ANKRD44: variants seen among roughly 807,000 people sequenced by gnomAD.
ANKRD44 encodes ankyrin repeat domain 44.
A neutral mutation model predicts 116.0 loss-of-function variants in ANKRD44; 35 were observed. That is an observed-to-expected ratio of 0.30 (90% CI 0.23 to 0.40). The LOEUF (loss-of-function observed/expected upper bound fraction) is 0.40, where lower values mean the gene tolerates loss of function less well. Among genes scored for constraint, ANKRD44 ranks in the 10% least tolerant of loss-of-function variants. ANKRD44 has a pLI of 1.00. For synonymous variants in ANKRD44, 435 were observed against 461.8 expected (o/e 0.94, Z 0.74); for missense variants, 1,014 against 1,242.6 (o/e 0.82, Z 2.77).
chr2:197,287,737 G>A (rs773578616), intron 1 of ANKRD44, among the ~76,000 whole-genome samples: 1 of 151,960 alleles, frequency 6.6e-6, no homozygotes, highest in Non-Finnish European at 1.5e-5. Context: ...AAGTAGACAC[G>A]CGCTGGGTAC....
At chr2:197,085,032 A>C (rs1574425820) in intron 13 of ANKRD44, among the ~76,000 whole-genome samples, 1 of 152,210 alleles carries the variant, frequency 6.6e-6, no homozygotes, top group African/African-American at 2.4e-5. Flanking sequence ...AATATAAAGT[A>C]ATTTGCTGTA....
intron 20 of ANKRD44, among the ~76,000 whole-genome samples, chr2:197,006,119 A>G (rs565035826): frequency 6.6e-6 from 1 of 152,318 alleles, no homozygotes. Flanking sequence ...TTTTCGAAAT[A>G]TCTCTTGCCT....
chr2:197,279,668 T>C (rs1320484647), intron 1 of ANKRD44, among the ~76,000 whole-genome samples: 4 of 152,160 alleles, frequency 2.6e-5, no homozygotes, highest in African/African-American at 4.8e-5. Flanking sequence ...TCCTCCTTCT[T>C]CCTAGTTTGT....
At chr2:197,073,083 C>A (rs1261108307) in intron 16 of ANKRD44, among the ~76,000 whole-genome samples, 2 of 152,172 alleles carry the variant, frequency 1.3e-5, no homozygotes, top group Admixed American at 1.3e-4. Context: ...CTTCTCTGTT[C>A]CCCAACCTAG....
chr2:197,020,050 A>G (rs1008986997), intron 17 of ANKRD44, among the ~76,000 whole-genome samples: 8 of 152,098 alleles, frequency 5.3e-5, no homozygotes, highest in African/African-American at 1.9e-4. Flanking sequence ...TCCTGGACTC[A>G]AGTGATCCAC....
chr2:197,286,961 A>G (rs769516208), intron 1 of ANKRD44, among the ~76,000 whole-genome samples: 35 of 152,196 alleles, frequency 2.3e-4, no homozygotes, highest in Non-Finnish European at 4.6e-4. Context: ...ATGAGCAGGC[A>G]GAGCATGCAG....
intron 1 of ANKRD44, among the ~76,000 whole-genome samples, chr2:197,286,380 CT>C (rs66811937): frequency 5.5e-5 from 8 of 146,468 alleles, no homozygotes; most frequent in African/African-American, 1.8e-4. Flanking sequence ...TTTTTTTTTT[CT>C]TTTTTTTTTA....
At chr2:197,021,772 T>A (rs2076502709) in intron 17 of ANKRD44, among the ~76,000 whole-genome samples, 1 of 152,220 alleles carries the variant, frequency 6.6e-6, no homozygotes, top group Non-Finnish European at 1.5e-5. Flanking sequence ...TAAAACACTA[T>A]GTCTAGCAAC....
At chr2:197,089,201 T>C (rs1206308504) in intron 11 of ANKRD44, among the ~76,000 whole-genome samples, 1 of 152,198 alleles carries the variant, frequency 6.6e-6, no homozygotes, top group Non-Finnish European at 1.5e-5. Context: ...TTGGGAAACA[T>C]GCTTGCATGC....
chr2:196,990,983 C>G (rs569917673), intron 27 of ANKRD44: 32 of 1,213,650 alleles, frequency 2.6e-5, no homozygotes, highest in Non-Finnish European at 3.3e-5. Context: ...AGAGGAGGCA[C>G]GAGCATTCCA....
rs578121691 is a variant in ANKRD44, at chr2:197,201,927, C to T, written c.28-14821G>A. 1.3e-5 allele frequency among the ~76,000 whole-genome samples: 2 copies of T among 152,330 alleles called. No homozygotes were observed. Among genetic ancestry groups the T allele is most frequent in the South Asian group, 4.1e-4 (2 of 4,824 alleles). On this transcript the variant is annotated intron_variant, in intron 1 of 27. Transcript: ENST00000282272. The surrounding 1 kb of genome is among the most constrained non-coding windows in gnomAD (Gnocchi z 4.0). ...TCCCACTTGTAAGAACATTCATAGC[C>T]ACTGTTACCTCATCACCATGTAACA...
intron 1 of ANKRD44, among the ~76,000 whole-genome samples, chr2:197,253,371 A>G (rs1390809571): frequency 1.3e-5 from 2 of 152,200 alleles, no homozygotes; most frequent in African/African-American, 4.8e-5. Context: ...ATCAATAAAC[A>G]TAGTGGATAG....
At position 197,008,970 on chromosome 2, in the gene ANKRD44, C is replaced by T. The variant is rs763841721; in HGVS notation, c.1986G>A (p.Ala662=). The change falls in exon 19 of 28, where the codon GCG becomes GCA. Residue 662 remains alanine (A), a synonymous_variant. Transcript: ENST00000282272. ...LLLEIADNPE[A]VDVKDAKGQT... Reference sequence around the variant, plus strand: ...GTCCTTTGGCATCTTTCACATCGACCGCCTCCGGGTTGTCTGCAATTTCTA... The same window carrying T: ...GTCCTTTGGCATCTTTCACATCGACTGCCTCCGGGTTGTCTGCAATTTCTA... The T allele has an allele frequency of 1.1e-5, 17 of 1,614,000 alleles. No homozygotes were observed. The highest frequency in any genetic ancestry group is 7.7e-5 in the South Asian group (7 of 91,084).
chr2:197,156,094 C>G (rs1033111928), intron 2 of ANKRD44, among the ~76,000 whole-genome samples: 1 of 152,186 alleles, frequency 6.6e-6, no homozygotes, highest in African/African-American at 2.4e-5. Context: ...CACCTGTAAT[C>G]CCATCACTTT....
intron 1 of ANKRD44, among the ~76,000 whole-genome samples, chr2:197,206,671 C>T (rs1050052407): frequency 5.3e-5 from 8 of 152,236 alleles, no homozygotes; most frequent in Non-Finnish European, 8.8e-5. Flanking sequence ...GCCGACATGG[C>T]GCCACTACAC....
At chr2:197,225,002 G>C (rs928868353) in intron 1 of ANKRD44, among the ~76,000 whole-genome samples, 8 of 152,146 alleles carry the variant, frequency 5.3e-5, no homozygotes, top group African/African-American at 1.9e-4. Context: ...AGATTCTTCT[G>C]ACACAAAAGA....
chr2:197,147,428 TA>T (rs34720427), intron 2 of ANKRD44, among the ~76,000 whole-genome samples: 100,297 of 142,926 alleles, frequency 0.7, 38,316 homozygotes, highest in East Asian at 0.93. Context: ...TCAGGATGGT[TA>T]AAAAAAAAAA....
chr2:196,990,674 C>A, intron 27 of ANKRD44: 1 of 1,232,174 alleles, frequency 8.1e-7, no homozygotes, highest in East Asian at 3.2e-5. Flanking sequence ...CTTCTACAGT[C>A]CAAAGTCAAA....
intron 16 of ANKRD44, among the ~76,000 whole-genome samples, chr2:197,069,391 A>G (rs1464248932): frequency 1.3e-5 from 2 of 152,218 alleles, no homozygotes; most frequent in African/African-American, 4.8e-5. Flanking sequence ...TGGCACATGT[A>G]TACATATGTA....
Sources: gnomAD v4.1 joint callset for allele counts (sites outside exome capture counted in the v4.1 genomes callset) on GRCh38, gnomAD v4.1.1 for gene constraint, Gnocchi (gnomAD v3.1) non-coding constraint, MANE v1.5 for transcripts, NCBI Gene and HGNC (gene_info 2026-07-23, HGNC 2026-07-21) for gene names.